Variants in DLG2 observed in about 807,000 individuals in gnomAD.
DLG2 encodes discs large MAGUK scaffold protein 2.
DLG2 carries 45 observed loss-of-function variants against 132.5 expected under a neutral mutation model. The observed-to-expected ratio is 0.34, with a 90% CI of 0.27 to 0.44. The LOEUF is 0.44. DLG2 is among the 20% of genes least tolerant of loss of function. The pLI, the probability that DLG2 is intolerant of heterozygous loss-of-function variation, is 1.00. For synonymous variants in DLG2, 424 were observed against 419.6 expected, an observed-to-expected ratio of 1.01 and a Z score of -0.13; for missense variants, 1,045 against 1,196.9, an observed-to-expected ratio of 0.87 and a Z score of 1.87.
At chr11:84,354,234 T>C (rs1256083745) in intron 7 of DLG2, among the ~76,000 whole-genome samples, 2 of 152,172 alleles carry the variant, frequency 1.3e-5, no homozygotes, top group East Asian at 1.9e-4. Context: ...AAGTGGAAGA[T>C]TTCAGTAGTC....
intron 3 of DLG2, among the ~76,000 whole-genome samples, chr11:85,483,789 C>G (rs2093354721): frequency 6.7e-6 from 1 of 149,740 alleles, no homozygotes; most frequent in East Asian, 2.0e-4. Flanking sequence ...ACTAAAAATA[C>G]AAAAATTAGC....
In DLG2 at chr11:85,213,360, C is replaced by T. The variant is rs1291311942; in HGVS notation, c.187-58709G>A. 7.3e-5 allele frequency among the ~76,000 whole-genome samples: 11 copies of T among 151,412 alleles called. 1 individual carries two copies. The East Asian group carries it at 2.1e-3, about 29-fold the overall frequency. ...CATCAATTAATACATGTAAGATGTA[C>T]ATTGGTTTAGTCCAGAAAGGCAGGA... On this transcript the variant is annotated intron_variant, in intron 4 of 27. Transcript: ENST00000376104.
intron 4 of DLG2, among the ~76,000 whole-genome samples, chr11:85,224,969 T>A (rs542812647): frequency 6.6e-6 from 1 of 152,320 alleles, no homozygotes; most frequent in South Asian, 2.1e-4. Context: ...TAACATGTGG[T>A]ACTTTGATTA....
At chr11:85,092,652 T>A (rs2068979616) in intron 6 of DLG2, among the ~76,000 whole-genome samples, 1 of 151,692 alleles carries the variant, frequency 6.6e-6, no homozygotes, top group Non-Finnish European at 1.5e-5. Flanking sequence ...ACTTTTTTTT[T>A]TTTTTTTTCA....
intron 3 of DLG2, among the ~76,000 whole-genome samples, chr11:85,435,617 C>T (rs567625379): frequency 6.6e-6 from 1 of 151,948 alleles, no homozygotes; most frequent in Non-Finnish European, 1.5e-5. Context: ...GGGTGAAGAA[C>T]CTCTTCAAGG....
intron 6 of DLG2, among the ~76,000 whole-genome samples, chr11:84,806,151 T>TA (rs1419450977): frequency 2.6e-5 from 4 of 151,998 alleles, no homozygotes; most frequent in East Asian, 1.9e-4. Flanking sequence ...TATATTGACC[T>TA]AAAAAATCAC....
intron 3 of DLG2, among the ~76,000 whole-genome samples, chr11:85,337,055 A>C (rs149029724): frequency 6.6e-6 from 1 of 152,236 alleles, no homozygotes; most frequent in Non-Finnish European, 1.5e-5. Flanking sequence ...TGAGCTCTTC[A>C]TTGAATCAAC....
chr11:85,605,909 C>T (rs144961007), intron 2 of DLG2, among the ~76,000 whole-genome samples: 12,722 of 151,704 alleles, frequency 0.084, 869 homozygotes, highest in Non-Finnish European at 0.11. Context: ...ACCCGGGAGG[C>T]GGAGGTTGAA....
chr11:84,145,398 T>C (rs549149849), intron 9 of DLG2, among the ~76,000 whole-genome samples: 1 of 152,216 alleles, frequency 6.6e-6, no homozygotes, highest in South Asian at 2.1e-4. Context: ...ACAATCAATA[T>C]GTTAATACTG....
intron 21 of DLG2, among the ~76,000 whole-genome samples, chr11:83,517,232 C>CT (rs1565593962): frequency 6.6e-6 from 1 of 152,144 alleles, no homozygotes; most frequent in African/African-American, 2.4e-5. Flanking sequence ...TCTTTTTATT[C>CT]TTTTTTCTCT....
At chr11:84,348,137 T>A (rs2098547120) in intron 7 of DLG2, among the ~76,000 whole-genome samples, 1 of 152,206 alleles carries the variant, frequency 6.6e-6, no homozygotes, top group African/African-American at 2.4e-5. Flanking sequence ...TTACTTATCA[T>A]TCTTATCATT....
intron 11 of DLG2, among the ~76,000 whole-genome samples, chr11:83,990,255 A>G (rs1037580109): frequency 3.9e-5 from 6 of 152,172 alleles, no homozygotes; most frequent in Admixed American, 6.6e-5. Context: ...CTGTTTGGCA[A>G]TCACTTGACG....
At chr11:85,393,884 C>A (rs989001619) in intron 3 of DLG2, among the ~76,000 whole-genome samples, 6 of 151,940 alleles carry the variant, frequency 3.9e-5, no homozygotes, top group Admixed American at 3.9e-4. Flanking sequence ...AAAAGTGATA[C>A]GATGGACATT....
chr11:85,515,624 C>G (rs534543010), intron 3 of DLG2, among the ~76,000 whole-genome samples: 1 of 151,894 alleles, frequency 6.6e-6, no homozygotes, highest in Non-Finnish European at 1.5e-5. Context: ...TCAGATCAGT[C>G]TTTCTTGTGT....
intron 11 of DLG2, among the ~76,000 whole-genome samples, chr11:84,044,923 C>T (rs1470178961): frequency 6.6e-6 from 1 of 151,684 alleles, no homozygotes; most frequent in Non-Finnish European, 1.5e-5. Flanking sequence ...GCTACAATTT[C>T]CTTCTTTTAG....
At chr11:83,515,234 C>T (rs909869290) in intron 21 of DLG2, among the ~76,000 whole-genome samples, 4 of 152,180 alleles carry the variant, frequency 2.6e-5, no homozygotes, top group South Asian at 4.1e-4. Flanking sequence ...AGAGATTCAA[C>T]TTCTTCCTGG....
chr11:84,853,846 T>A (rs763986922), intron 6 of DLG2, among the ~76,000 whole-genome samples: 1 of 152,028 alleles, frequency 6.6e-6, no homozygotes. Context: ...AGGATTTTTA[T>A]CAGACAGGGA....
intron 9 of DLG2, among the ~76,000 whole-genome samples, chr11:84,157,108 T>C (rs529792620): frequency 6.6e-6 from 1 of 152,292 alleles, no homozygotes; most frequent in African/African-American, 2.4e-5. Flanking sequence ...AGTAGATATT[T>C]GATAGAATTT....
chr11:85,411,212 A>G (rs2089281105), intron 3 of DLG2, among the ~76,000 whole-genome samples: 1 of 151,860 alleles, frequency 6.6e-6, no homozygotes, highest in African/African-American at 2.4e-5. Context: ...TTATTATTAC[A>G]TGCATGCAGT....
Sources: gnomAD v4.1 joint callset for allele counts (sites outside exome capture counted in the v4.1 genomes callset) on GRCh38, gnomAD v4.1.1 for gene constraint, MANE v1.5 for transcripts, NCBI Gene and HGNC (gene_info 2026-07-23, HGNC 2026-07-21) for gene names.